The following LRRK1 variants were observed in gnomAD, a reference collection of about 807,000 sequenced individuals.
LRRK1 encodes leucine rich repeat kinase 1.
LRRK1 carries 113 observed loss-of-function variants against 209.1 expected under a neutral mutation model. The ratio of observed to expected loss-of-function variants is 0.54; its 90% CI spans 0.46 to 0.63. The LOEUF (loss-of-function observed/expected upper bound fraction) is 0.63. Ranked by LOEUF, LRRK1 falls within the 30% of genes least tolerant of loss-of-function variation. LRRK1 has a pLI of 0.00. For synonymous variants in LRRK1, 1,144 were observed against 1,099.7 expected (o/e 1.04, Z -0.80); for missense variants, 2,284 against 2,632.2 (o/e 0.87, Z 2.89).
Position 101,027,766 on chromosome 15 carries a change from C to T in LRRK1, c.2655C>T (p.Asn885=), listed in dbSNP as rs41535348. ...LEQLVEQTPD[N]DIKDYEDLQS... is the part of the protein sequence containing the mutation. ...AGCTGGTGGAGCAGACGCCCGACAA[C>T]GACATCAAGGACTACGAGGACCTGC... Residue 885 remains asparagine, a synonymous_variant, in exon 19 of 34, where the codon AAC becomes AAT. Coordinates refer to ENST00000388948, the MANE Select transcript of LRRK1 (RefSeq NM_024652.6). The surrounding 1 kb of genome is among the most constrained non-coding windows in gnomAD (Gnocchi z 5.1). 13,537 of 1,599,486 alleles carry T rather than the reference C, an allele frequency of 8.5e-3. 70 individuals carry two copies. Among genetic ancestry groups the T allele is most frequent in the Non-Finnish European group, 9.5e-3 (11,148 of 1,173,268 alleles).
intron 29 of LRRK1, 126 bp from the exon 30 acceptor site, chr15:101,061,045 C>T: frequency 8.2e-6 from 6 of 733,586 alleles, no homozygotes; most frequent in East Asian, 2.5e-5. Context: ...CCTCTCAGAA[C>T]ACAGGATGCA....
intron 6 of LRRK1, among the ~76,000 whole-genome samples, chr15:100,990,222 T>G (rs75429699): frequency 0.074 from 11,311 of 152,272 alleles, 720 homozygotes; most frequent in African/African-American, 0.18. Flanking sequence ...ATGGACTTCC[T>G]CTAGATCAGT....
intron 5 of LRRK1, among the ~76,000 whole-genome samples, 157 bp from the exon 6 acceptor site, chr15:100,989,093 C>A (rs1256742611): frequency 6.6e-6 from 1 of 152,268 alleles, no homozygotes; most frequent in Non-Finnish European, 1.5e-5. Flanking sequence ...GAAATTCTCC[C>A]ACTAACAGAA....
chr15:100,981,072 G>C (rs542717969), intron 3 of LRRK1, among the ~76,000 whole-genome samples: 1 of 152,210 alleles, frequency 6.6e-6, no homozygotes, highest in African/African-American at 2.4e-5. Flanking sequence ...TGCAGAGGGC[G>C]ACTGGGAGGT....
chr15:101,056,996 G>A lies in LRRK1; in HGVS notation c.4473G>A (p.Gln1491=). ...TTCTGGGGCAGCCGGAGGAAGTGCAGTTCCGGCGACTGCAGGCGCTCATGA... is the reference window on the plus strand; with the variant it reads ...TTCTGGGGCAGCCGGAGGAAGTGCAATTCCGGCGACTGCAGGCGCTCATGA... The part of the protein sequence containing the change: ...RPVLGQPEEV[Q]FRRLQALMME... The change falls in exon 28 of 34, where the codon CAG becomes CAA. Residue 1491 remains glutamine, a synonymous_variant. Coordinates refer to ENST00000388948, the MANE Select transcript of LRRK1 (RefSeq NM_024652.6). 6.2e-7 allele frequency: 1 copy of A among 1,613,966 alleles called. No homozygotes were observed. Among genetic ancestry groups the A allele is most frequent in the Non-Finnish European group, 8.5e-7 (1 of 1,179,928 alleles).
At chr15:101,065,248 C>T (rs1346939733) in intron 31 of LRRK1, 104 bp from the exon 32 acceptor site, 4 of 1,405,956 alleles carry the variant, frequency 2.8e-6, no homozygotes, top group Non-Finnish European at 2.9e-6. Context: ...TGGAAAGTGA[C>T]TGCCCGCCTG....
intron 2 of LRRK1, among the ~76,000 whole-genome samples, chr15:100,941,026 A>G (rs1199875638): frequency 6.6e-6 from 1 of 152,200 alleles, no homozygotes; most frequent in African/African-American, 2.4e-5. Flanking sequence ...GTGAAATATG[A>G]CACAGCTTCT....
At chr15:101,026,352 C>T (rs1245830545) in intron 17 of LRRK1, among the ~76,000 whole-genome samples, 1 of 152,284 alleles carries the variant, frequency 6.6e-6, no homozygotes. Context: ...CTCTTTGCTT[C>T]CTTTCTGCCC....
intron 4 of LRRK1, 126 bp from the exon 5 acceptor site, chr15:100,988,508 A>G (rs1453850108): frequency 1.3e-5 from 11 of 852,304 alleles, no homozygotes; most frequent in Non-Finnish European, 1.8e-5. Context: ...ATAGTATTCC[A>G]TGGTGCAAAT....
intron 13 of LRRK1, 39 bp from the exon 14 acceptor site, chr15:101,021,806 G>GTA: frequency 1.6e-6 from 1 of 639,164 alleles, no homozygotes; most frequent in South Asian, 1.8e-5. Flanking sequence ...GTGTGTGTGT[G>GTA]TGTGTGTATT....
At chr15:101,015,588 G>A (rs556938775) in intron 12 of LRRK1, among the ~76,000 whole-genome samples, 186 bp downstream of exon 12, 1 of 152,290 alleles carries the variant, frequency 6.6e-6, no homozygotes, top group Non-Finnish European at 1.5e-5. Flanking sequence ...TCTGTCCCAC[G>A]TGTGACACGC....
chr15:101,052,816 G>C, intron 24 of LRRK1, 106 bp from the exon 25 acceptor site: 3 of 1,357,354 alleles, frequency 2.2e-6, no homozygotes, highest in Non-Finnish European at 3.0e-6. Flanking sequence ...CAGCCTCACA[G>C]ATGGCTTTGA....
In LRRK1 at chr15:101,076,304, T is replaced by C. The variant is rs567142384; in HGVS notation, c.*7456T>C. On this transcript the variant is annotated 3_prime_UTR_variant, in exon 34 of 34. Transcript: ENST00000388948. ...TCTATTTTCTTCCTCATACCTGACA[T>C]ATATACTTTCTGCTCCCCGGCTCCT... The C allele has an allele frequency of 6.6e-6, 1 of 152,202 alleles. No individual in the cohort carries two copies. Among genetic ancestry groups the C allele is most frequent in the African/African-American group, 2.4e-5 (1 of 41,438 alleles). 9.4% of individuals were successfully genotyped at this position (152,202 alleles called of 1,614,324 possible). A position where few individuals can be genotyped will look rare whatever the true frequency, so the allele number is the denominator to read the frequency against.
At chr15:100,943,977 C>T (rs925876854) in intron 2 of LRRK1, among the ~76,000 whole-genome samples, 7 of 152,080 alleles carry the variant, frequency 4.6e-5, no homozygotes, top group East Asian at 1.9e-4. Flanking sequence ...CACACCCGGT[C>T]GTGATCCCTT....
intron 2 of LRRK1, among the ~76,000 whole-genome samples, chr15:100,932,106 C>T (rs899984844): frequency 1.4e-4 from 21 of 152,216 alleles, no homozygotes; most frequent in Non-Finnish European, 2.5e-4. Context: ...CTGCCTCAGC[C>T]TCCTGAGTAG....
At chr15:101,047,774 A>C (rs1005212051) in intron 21 of LRRK1, among the ~76,000 whole-genome samples, 3 of 152,220 alleles carry the variant, frequency 2.0e-5, no homozygotes, top group Non-Finnish European at 2.9e-5. Context: ...CTCGGGATAC[A>C]TCCAGAGCTT....
At chr15:100,946,073 C>T (rs562623968) in intron 2 of LRRK1, among the ~76,000 whole-genome samples, 1 of 152,072 alleles carries the variant, frequency 6.6e-6, no homozygotes, top group South Asian at 2.1e-4. Context: ...CCTAAGAACA[C>T]CTTAAACTCT....
At chr15:100,993,502 C>A (rs1214601362) in intron 6 of LRRK1, among the ~76,000 whole-genome samples, 1 of 152,118 alleles carries the variant, frequency 6.6e-6, no homozygotes, top group Non-Finnish European at 1.5e-5. Context: ...CTCATCAATA[C>A]CTATTTTGGT....
intron 2 of LRRK1, among the ~76,000 whole-genome samples, chr15:100,941,456 CTA>C (rs1567191192): frequency 4.6e-3 from 26 of 5,646 alleles, no homozygotes; most frequent in East Asian, 0.022. Flanking sequence ...CTGTGTGTGT[CTA>C]TGTCTCTGTG....
Sources: gnomAD v4.1 joint callset for allele counts (sites outside exome capture counted in the v4.1 genomes callset) on GRCh38, gnomAD v4.1.1 for gene constraint, Gnocchi (gnomAD v3.1) non-coding constraint, MANE v1.5 for transcripts, NCBI Gene and HGNC (gene_info 2026-07-23, HGNC 2026-07-21) for gene names.